Variants in TBC1D4 observed in about 807,000 individuals in gnomAD.
TBC1D4 encodes TBC (Tre-2, BUB2, CDC16) domain-containing protein.
TBC1D4 carries 121 observed loss-of-function variants against 142.5 expected under a neutral mutation model. The observed-to-expected ratio is 0.85, with a 90% CI of 0.73 to 0.99. The LOEUF (loss-of-function observed/expected upper bound fraction) is 0.99. TBC1D4 is among the 50% of genes least tolerant of loss of function. TBC1D4 has a pLI of 0.00. For synonymous variants in TBC1D4, 630 were observed against 628.2 expected (o/e 1.00, Z -0.04); for missense variants, 1,475 against 1,606.6 (o/e 0.92, Z 1.40).
chr13:75,315,438 A>ATACACATATATATG (rs1555302468), intron 12 of TBC1D4, among the ~76,000 whole-genome samples: 4 of 150,290 alleles, frequency 2.7e-5, no homozygotes, highest in Non-Finnish European at 5.9e-5. Flanking sequence ...ATATATATAT[A>ATACACATATATATG]TATTTGCTTT....
rs1002162376 is a variant in TBC1D4 at position 75,327,670 on chromosome 13, T to A, written c.1806+82A>T. 9 of 1,265,260 alleles carry A rather than the reference T, an allele frequency of 7.1e-6. No individual in the cohort carries two copies. The African/African-American group carries it at 1.2e-4, about 16-fold the overall frequency. 78.4% of individuals were successfully genotyped at this position (1,265,260 alleles called of 1,614,324 possible). A position where few individuals can be genotyped will look rare whatever the true frequency, so the allele number is the denominator to read the frequency against. ...TTAAAAAGCTATAAAGCATTCATAA[T>A]AAAAAATGGAGCATGCATATTACCA... is the stretch of plus-strand genomic sequence containing the variant. On this transcript the variant is annotated intron_variant, in intron 9 of 20. Transcript: ENST00000377636.
At chr13:75,411,330 ACTATT>A (rs2138400229) in intron 1 of TBC1D4, among the ~76,000 whole-genome samples, 1 of 152,314 alleles carries the variant, frequency 6.6e-6, no homozygotes, top group East Asian at 1.9e-4. Context: ...TCTCATTAAT[ACTATT>A]ATTATGTCTG....
intron 5 of TBC1D4, among the ~76,000 whole-genome samples, chr13:75,342,699 C>A (rs1880812575): frequency 6.6e-6 from 1 of 151,646 alleles, no homozygotes; most frequent in Non-Finnish European, 1.5e-5. Context: ...TTCAACAGAC[C>A]ATTCATTTTT....
intron 1 of TBC1D4, among the ~76,000 whole-genome samples, chr13:75,414,148 G>C (rs1262020047): frequency 6.6e-6 from 1 of 152,178 alleles, no homozygotes; most frequent in Non-Finnish European, 1.5e-5. Flanking sequence ...GTCATGTCAT[G>C]TCAGTGACAT....
rs7332292 is a variant in TBC1D4, at chr13:75,289,179, G to C, written c.3487-69C>G. On this transcript the variant is annotated intron_variant, in intron 19 of 20. Coordinates refer to ENST00000377636, the MANE Select transcript of TBC1D4 (RefSeq NM_014832.5). ...TAACAAGATACAGCCTGTTTATCTT[G>C]GTATATTTCATGTATATTTCCAAAT... The C allele has an allele frequency of 0.24, 371,200 of 1,563,568 alleles. 48,364 individuals carry two copies. The highest frequency in any genetic ancestry group is 0.48 in the African/African-American group (35,410 of 73,788).
chr13:75,305,792 C>G (rs1334594829), intron 15 of TBC1D4, among the ~76,000 whole-genome samples: 1 of 152,084 alleles, frequency 6.6e-6, no homozygotes, highest in African/African-American at 2.4e-5. Flanking sequence ...AAATATCAGG[C>G]ATCTTATATG....
At chr13:75,335,579 G>A (rs529747) in intron 8 of TBC1D4, among the ~76,000 whole-genome samples, 9,679 of 152,138 alleles carry the variant, frequency 0.064, 762 homozygotes, top group African/African-American at 0.18. Flanking sequence ...GGCCTGGTGG[G>A]AGGTGACCGG....
At chr13:75,317,023 A>C (rs1878370968) in intron 12 of TBC1D4, among the ~76,000 whole-genome samples, 1 of 152,168 alleles carries the variant, frequency 6.6e-6, no homozygotes, top group Non-Finnish European at 1.5e-5. Flanking sequence ...TCCTCACAGC[A>C]ACCTTGCAAG....
Position 75,371,372 on chromosome 13 carries a change from G to T in TBC1D4, c.499-8765C>A, listed in dbSNP as rs959187666. On this transcript the variant is annotated intron_variant, in intron 1 of 20. Coordinates refer to ENST00000377636, the MANE Select transcript of TBC1D4 (RefSeq NM_014832.5). ...GCAATCTCCTTAAGTAGGCAAGAGG[G>T]GACAGAATCTAGGCCCAAGGAAGAG... Among the ~76,000 whole-genome samples the T allele has an allele frequency of 2.0e-5, 3 of 152,156 alleles. No homozygotes were observed. The South Asian group carries it at 6.2e-4, about 32-fold the overall frequency.
chr13:75,316,009 A>G (rs2137960442), intron 12 of TBC1D4, among the ~76,000 whole-genome samples: 1 of 152,352 alleles, frequency 6.6e-6, no homozygotes, highest in South Asian at 2.1e-4. Context: ...TAAAAGCACT[A>G]TGTCAATGCT....
chr13:75,423,289 G>A (rs1348512499), intron 1 of TBC1D4, among the ~76,000 whole-genome samples: 2 of 151,778 alleles, frequency 1.3e-5, no homozygotes, highest in African/African-American at 2.4e-5. Flanking sequence ...CAACTGGTAA[G>A]TTTTCAGAAA....
At chr13:75,342,402 C>T (rs1880787979) in intron 5 of TBC1D4, among the ~76,000 whole-genome samples, 1 of 152,116 alleles carries the variant, frequency 6.6e-6, no homozygotes, top group Non-Finnish European at 1.5e-5. Context: ...GAAGAAAGAA[C>T]AAGTAATAAT....
chr13:75,417,361 A>G (rs1288123714), intron 1 of TBC1D4, among the ~76,000 whole-genome samples: 11 of 152,190 alleles, frequency 7.2e-5, no homozygotes, highest in Admixed American at 7.2e-4. Context: ...TGCCCCGGGT[A>G]AGTGCTACCT....
intron 1 of TBC1D4, among the ~76,000 whole-genome samples, chr13:75,384,308 T>C (rs1353827235): frequency 1.3e-5 from 2 of 151,882 alleles, no homozygotes; most frequent in African/African-American, 4.8e-5. Context: ...TGCTGGTGGG[T>C]GTCTGTAGTC....
At chr13:75,410,129 G>A (rs1885566341) in intron 1 of TBC1D4, among the ~76,000 whole-genome samples, 1 of 152,224 alleles carries the variant, frequency 6.6e-6, no homozygotes, top group Admixed American at 6.5e-5. Context: ...GTAAATAACG[G>A]TGTATGCTCA....
At chr13:75,357,489 AC>A (rs1238629879) in intron 3 of TBC1D4, among the ~76,000 whole-genome samples, 1 of 151,662 alleles carries the variant, frequency 6.6e-6, no homozygotes, top group Non-Finnish European at 1.5e-5. Flanking sequence ...CACCTCCCCA[AC>A]TCCAGCCACA....
At chr13:75,327,929 G>A in intron 8 of TBC1D4, 103 bp from the exon 9 acceptor site, 2 of 1,180,960 alleles carry the variant, frequency 1.7e-6, no homozygotes, top group Non-Finnish European at 2.5e-6. Context: ...GCATTAAATT[G>A]ATCATTTTGT....
chr13:75,411,134 C>T (rs1885641659), intron 1 of TBC1D4, among the ~76,000 whole-genome samples: 1 of 151,998 alleles, frequency 6.6e-6, no homozygotes, highest in African/African-American at 2.4e-5. Flanking sequence ...CGCTCTTCTC[C>T]ACAACCGCTC....
chr13:75,480,317 G>T (rs1465744765), intron 1 of TBC1D4, among the ~76,000 whole-genome samples: 1 of 152,136 alleles, frequency 6.6e-6, no homozygotes, highest in Admixed American at 6.5e-5. Flanking sequence ...AAAGTACTGT[G>T]CAAACAGTAA....
Sources: allele counts gnomAD v4.1 joint callset (sites outside exome capture counted in the v4.1 genomes callset), GRCh38; gene constraint gnomAD v4.1.1; transcripts MANE v1.5; gene names NCBI Gene and HGNC (gene_info 2026-07-23, HGNC 2026-07-21).